TOGARAM1: variants seen among roughly 807,000 people sequenced by gnomAD.
The protein encoded by TOGARAM1 is TOG array regulator of axonemal microtubules 1, also known as TOG array regulator of axonemal microtubules protein 1.
A neutral mutation model predicts 166.6 loss-of-function variants in TOGARAM1; 100 were observed. That is an observed-to-expected ratio of 0.60 (90% CI 0.51 to 0.71). The LOEUF (loss-of-function observed/expected upper bound fraction) is 0.71, where lower values mean the gene tolerates loss of function less well. Ranked by LOEUF, TOGARAM1 falls within the 30% of genes least tolerant of loss-of-function variation. The probability of loss-of-function intolerance (pLI) is 0.00; values close to 1 mark genes in which losing one functional copy is unlikely to be tolerated. For synonymous variants in TOGARAM1, 758 were observed against 763.8 expected, an observed-to-expected ratio of 0.99 and a Z score of 0.13; for missense variants, 2,029 against 2,102.7, an observed-to-expected ratio of 0.96 and a Z score of 0.69.
At chr14:45,046,395 C>T in intron 13 of TOGARAM1, 150 bp from the exon 14 acceptor site, 1 of 549,158 alleles carries the variant, frequency 1.8e-6, no homozygotes, top group Non-Finnish European at 2.7e-6. Flanking sequence ...ATGATTGCAT[C>T]ACTGCATTCC....
chr14:45,037,127 A>G (rs1256166153), intron 11 of TOGARAM1, among the ~76,000 whole-genome samples: 2 of 152,104 alleles, frequency 1.3e-5, no homozygotes, highest in African/African-American at 4.8e-5. Context: ...TTATCTTACT[A>G]GCTGTCAGCC....
At chr14:44,970,995 T>TTTTTG (rs376743692) in intron 1 of TOGARAM1, among the ~76,000 whole-genome samples, 2 of 152,002 alleles carry the variant, frequency 1.3e-5, no homozygotes, top group Non-Finnish European at 2.9e-5. Context: ...GTCTGTGGGG[T>TTTTTG]TTTTGTTTTG....
At chr14:45,049,446 A>T (rs983543764) in intron 14 of TOGARAM1, among the ~76,000 whole-genome samples, 3 of 152,050 alleles carry the variant, frequency 2.0e-5, no homozygotes, top group African/African-American at 4.8e-5. Flanking sequence ...TTTTTGGTAG[A>T]GATGGGGTTT....
chr14:45,065,655 G>A (rs10134083), intron 16 of TOGARAM1, among the ~76,000 whole-genome samples: 7,045 of 152,146 alleles, frequency 0.046, 530 homozygotes, highest in African/African-American at 0.16. Context: ...GTGTTCTCAC[G>A]GATACTTTGC....
chr14:45,024,440 T>G (rs1019108603), intron 7 of TOGARAM1, among the ~76,000 whole-genome samples: 9 of 144,390 alleles, frequency 6.2e-5, no homozygotes, highest in Admixed American at 2.0e-4. Context: ...CAACATTTCT[T>G]TAAGAAAAAT....
At chr14:45,028,097 C>A in intron 9 of TOGARAM1, 79 bp from the exon 10 acceptor site, 1 of 1,259,310 alleles carries the variant, frequency 7.9e-7, no homozygotes, top group Admixed American at 2.4e-5. Flanking sequence ...TCCTCAGACA[C>A]AAATTAGTTA....
Position 45,027,436 on chromosome 14 carries a change from A to G in TOGARAM1, c.3466A>G (p.Asn1156Asp), listed in dbSNP as rs34770031. The G allele has an allele frequency of 6.6e-5, 106 of 1,610,800 alleles. No individual in the cohort carries two copies. In the African/African-American group the frequency reaches 1.4e-3, roughly 21 times the overall value. Residue 1156 changes from asparagine (N) to aspartate (D), a missense_variant, in exon 9 of 20, where the codon AAT becomes GAT. Physicochemically the swap from Asn to Asp is conservative, Grantham distance 23. Coordinates refer to ENST00000361462, the MANE Select transcript of TOGARAM1 (RefSeq NM_001308120.2). ...SGIYGRSVQQ[N>D]ISSYLDVENE... The stretch of plus-strand genomic sequence containing the variant: ...GATTTATGGAAGATCAGTCCAGCAA[A>G]ATATTTCATCATATCTTGATGTTGA...
At chr14:45,038,798 C>T (rs191786713) in intron 11 of TOGARAM1, among the ~76,000 whole-genome samples, 11 of 152,134 alleles carry the variant, frequency 7.2e-5, no homozygotes, top group Non-Finnish European at 1.3e-4. Context: ...GTTTCAGTCC[C>T]GAATTCTTGT....
chr14:44,998,595 C>T (rs778297298), intron 2 of TOGARAM1, among the ~76,000 whole-genome samples: 17 of 151,726 alleles, frequency 1.1e-4, no homozygotes, highest in Non-Finnish European at 2.1e-4. Flanking sequence ...TTTGCGCCAC[C>T]GCATTCCAGC....
At chr14:45,065,377 G>C (rs953698505) in intron 16 of TOGARAM1, among the ~76,000 whole-genome samples, 1 of 152,020 alleles carries the variant, frequency 6.6e-6, no homozygotes, top group Non-Finnish European at 1.5e-5. Flanking sequence ...CAACACTAAT[G>C]ATGGCTGATG....
intron 1 of TOGARAM1, 97 bp downstream of exon 1, chr14:44,964,564 G>C: frequency 1.5e-6 from 2 of 1,317,772 alleles, no homozygotes; most frequent in Non-Finnish European, 2.0e-6. Flanking sequence ...AGGGAAACAT[G>C]TTATGCTTTG....
At position 45,029,577 on chromosome 14, in the gene TOGARAM1, A is replaced by G. The variant is rs550647561; in HGVS notation, c.3658+1248A>G. 1.1e-3 allele frequency among the ~76,000 whole-genome samples: 166 copies of G among 152,332 alleles called. 2 individuals are homozygous for G. The highest frequency in any genetic ancestry group is 3.9e-3 in the African/African-American group (161 of 41,584). On this transcript the variant is annotated intron_variant, in intron 10 of 19. Transcript: ENST00000361462. The stretch of plus-strand genomic sequence containing the variant: ...TATGGTTATGAACATATTAGCAGAA[A>G]TAATTTTTAATAGCTAAATTCTAAT...
intron 15 of TOGARAM1, among the ~76,000 whole-genome samples, chr14:45,052,868 C>T (rs1046150766): frequency 6.6e-6 from 1 of 152,138 alleles, no homozygotes; most frequent in Non-Finnish European, 1.5e-5. Context: ...GTAACTTACA[C>T]ATGCCTCTTC....
intron 1 of TOGARAM1, among the ~76,000 whole-genome samples, chr14:44,994,687 G>A (rs1887332340): frequency 6.6e-6 from 1 of 152,154 alleles, no homozygotes; most frequent in African/African-American, 2.4e-5. Context: ...CCAAAGTGCT[G>A]TGATTACAGG....
chr14:44,967,588 C>A (rs531881665), intron 1 of TOGARAM1, among the ~76,000 whole-genome samples: 1 of 152,188 alleles, frequency 6.6e-6, no homozygotes, highest in South Asian at 2.1e-4. Flanking sequence ...GAATTTCAGA[C>A]TAAAGGAATA....
chr14:45,061,766 C>T (rs892604417), intron 16 of TOGARAM1, among the ~76,000 whole-genome samples: 6 of 152,004 alleles, frequency 3.9e-5, no homozygotes, highest in African/African-American at 1.4e-4. Flanking sequence ...GTTTTATTTA[C>T]TAAAATTATT....
At chr14:45,010,833 C>T (rs17115745) in intron 6 of TOGARAM1, among the ~76,000 whole-genome samples, 7,089 of 152,114 alleles carry the variant, frequency 0.047, 535 homozygotes, top group African/African-American at 0.16. Flanking sequence ...TGTTGAAAAC[C>T]ACCCTCCTAG....
At chr14:44,965,608 C>T (rs1032839439) in intron 1 of TOGARAM1, among the ~76,000 whole-genome samples, 1 of 152,128 alleles carries the variant, frequency 6.6e-6, no homozygotes, top group Non-Finnish European at 1.5e-5. Context: ...GTGTGAACTT[C>T]ACAGTACATT....
rs112119523 is a variant in TOGARAM1, at chr14:45,026,165, A to G, written c.3328+293A>G. ...TTAGGATAGCTTACTTAGTTTTAGC[A>G]TAGTTTAAATTCAAGTAGCCCTTAT... On this transcript the variant is annotated intron_variant, in intron 8 of 19. Coordinates refer to ENST00000361462, the MANE Select transcript of TOGARAM1 (RefSeq NM_001308120.2). Among the ~76,000 whole-genome samples, 19 of 152,290 alleles carry G rather than the reference A, an allele frequency of 1.2e-4. 3 individuals carry two copies. The highest frequency in any genetic ancestry group is 3.6e-4 in the African/African-American group (15 of 41,576).
Sources: gnomAD v4.1 joint callset for allele counts (sites outside exome capture counted in the v4.1 genomes callset) on GRCh38, gnomAD v4.1.1 for gene constraint, MANE v1.5 for transcripts, NCBI Gene and HGNC (gene_info 2026-07-23, HGNC 2026-07-21) for gene names.